The following RALYL variants were observed in gnomAD, a reference collection of about 807,000 sequenced individuals.
RALYL encodes the protein RALY RNA binding protein like.
Under a neutral mutation model 35.1 loss-of-function variants are expected in RALYL, and 29 were observed. The ratio of observed to expected loss-of-function variants is 0.83; its 90% CI spans 0.61 to 1.13. The LOEUF (loss-of-function observed/expected upper bound fraction) is 1.13, where lower values mean the gene tolerates loss of function less well. RALYL is among the 50% of genes most tolerant of loss of function. The pLI is 0.00. For synonymous variants in RALYL, 120 were observed against 127.6 expected (o/e 0.94, Z 0.40); for missense variants, 359 against 360.4 (o/e 1.00, Z 0.03).
chr8:84,672,984 T>A (rs1419196672), intron 2 of RALYL, among the ~76,000 whole-genome samples: 1 of 152,218 alleles, frequency 6.6e-6, no homozygotes. Flanking sequence ...TAATTTACCC[T>A]CTTACCAACA....
intron 2 of RALYL, among the ~76,000 whole-genome samples, chr8:84,557,657 G>T (rs2061220164): frequency 6.6e-6 from 1 of 152,082 alleles, no homozygotes. Flanking sequence ...ATCACACAAA[G>T]TGTGTATTTA....
intron 1 of RALYL, among the ~76,000 whole-genome samples, chr8:84,488,691 G>A (rs1006502611): frequency 6.6e-6 from 1 of 151,954 alleles, no homozygotes; most frequent in South Asian, 2.1e-4. Context: ...GTGATTACTT[G>A]CATACATTTG....
At position 84,604,485 on chromosome 8, in the gene RALYL, A is replaced by G. The variant is rs1816681029; in HGVS notation, c.256+74908A>G. Among the ~76,000 whole-genome samples, 3 of 152,266 alleles carry G rather than the reference A, an allele frequency of 2.0e-5. No individual in the cohort carries two copies. The South Asian group carries it at 6.2e-4, about 32-fold the overall frequency. ...ACTGTCCCTAACCCTGGTGCCAAAA[A>G]CATAGTCCCATCTCGCTGCTGCTGC... On this transcript the variant is annotated intron_variant, in intron 2 of 8. Coordinates refer to ENST00000521268, the MANE Select transcript of RALYL (RefSeq NM_173848.7).
intron 2 of RALYL, among the ~76,000 whole-genome samples, chr8:84,644,230 G>C (rs1826995634): frequency 6.6e-6 from 1 of 151,980 alleles, no homozygotes. Flanking sequence ...AGGGGGAAAA[G>C]TTTTAAAATG....
chr8:84,771,840 C>T (rs1815607406), intron 2 of RALYL, among the ~76,000 whole-genome samples: 1 of 151,924 alleles, frequency 6.6e-6, no homozygotes, highest in South Asian at 2.1e-4. Flanking sequence ...CTTTTTATGA[C>T]CAGAAATTCT....
At chr8:84,602,812 A>G (rs1319611385) in intron 2 of RALYL, among the ~76,000 whole-genome samples, 1 of 152,140 alleles carries the variant, frequency 6.6e-6, no homozygotes, top group Non-Finnish European at 1.5e-5. Context: ...AGAGACAGAT[A>G]ATAAAGTCAG....
At chr8:84,581,245 G>A (rs370684068) in intron 2 of RALYL, among the ~76,000 whole-genome samples, 13 of 152,298 alleles carry the variant, frequency 8.5e-5, no homozygotes, top group African/African-American at 3.1e-4. Context: ...AAAGGAAGGT[G>A]ACATAGATCT....
chr8:84,902,936 T>A (rs993229791), intron 8 of RALYL, among the ~76,000 whole-genome samples: 4 of 152,122 alleles, frequency 2.6e-5, no homozygotes, highest in African/African-American at 9.7e-5. Flanking sequence ...AAGAAAAAAA[T>A]TAAAATGATT....
chr8:84,414,227 A>G (rs1457407392), intron 1 of RALYL, among the ~76,000 whole-genome samples: 1 of 152,144 alleles, frequency 6.6e-6, no homozygotes, highest in Admixed American at 6.5e-5. Flanking sequence ...TTACTCTATC[A>G]ATAATTATTT....
At chr8:84,254,818 C>T (rs947730557) in intron 1 of RALYL, among the ~76,000 whole-genome samples, 12 of 149,546 alleles carry the variant, frequency 8.0e-5, no homozygotes, top group Non-Finnish European at 1.6e-4. Flanking sequence ...AACTTAGAAT[C>T]ATGGCTGAAG....
At chr8:84,805,416 C>T (rs1213520162) in intron 4 of RALYL, among the ~76,000 whole-genome samples, 4 of 152,110 alleles carry the variant, frequency 2.6e-5, no homozygotes, top group East Asian at 1.9e-4. Flanking sequence ...TGGCCAGGCG[C>T]GGTGGTTCAT....
chr8:84,435,156 T>G (rs990548001), intron 1 of RALYL, among the ~76,000 whole-genome samples: 1 of 152,152 alleles, frequency 6.6e-6, no homozygotes, highest in African/African-American at 2.4e-5. Context: ...TTTTATATTC[T>G]TTGATGTGGA....
In RALYL at chr8:84,522,261, T is replaced by C. The variant is rs1004812831; in HGVS notation, c.-23-7038T>C. Among the ~76,000 whole-genome samples the C allele has an allele frequency of 4.0e-5, 6 of 150,514 alleles. 1 individual carries two copies. Among genetic ancestry groups the C allele is most frequent in the African/African-American group, 1.5e-4 (6 of 41,092 alleles). ...TGATAGAAAGGAAATTTTTTTTTTT[T>C]TTTTTTGAGATGGAGTCTCGCTCTG... On this transcript the variant is annotated intron_variant, in intron 1 of 8. Transcript: ENST00000521268.
chr8:84,524,659 A>G (rs1418036649), intron 1 of RALYL, among the ~76,000 whole-genome samples: 1 of 152,170 alleles, frequency 6.6e-6, no homozygotes, highest in Non-Finnish European at 1.5e-5. Flanking sequence ...CCTTTAATTT[A>G]TAATAAATGT....
At chr8:84,730,791 C>G (rs1219789845) in intron 2 of RALYL, among the ~76,000 whole-genome samples, 1 of 151,828 alleles carries the variant, frequency 6.6e-6, no homozygotes, top group Non-Finnish European at 1.5e-5. Context: ...TTGAAAGCCA[C>G]AAGACTAGAA....
In RALYL at chr8:84,862,321, C is replaced by A; in HGVS notation, c.439C>A (p.Pro147Thr). 6.3e-7 allele frequency: 1 copy of A among 1,593,650 alleles called. No individual in the cohort carries two copies. The highest frequency in any genetic ancestry group is 1.1e-5 in the South Asian group (1 of 88,230). The change falls in exon 6 of 9, where the codon CCT (proline) becomes ACT (threonine). Residue 147 changes from proline to threonine, a missense_variant. Coordinates refer to ENST00000521268, the MANE Select transcript of RALYL (RefSeq NM_173848.7). ...GTTATTTGATTACCACGGGCGTGTG[C>A]CTCCACCTCCCCGTGCAGTAATTCC... ...NRLFDYHGRV[P>T]PPPRAVIPLK...
chr8:84,255,816 A>C (rs1203834966), intron 1 of RALYL, among the ~76,000 whole-genome samples: 1 of 152,150 alleles, frequency 6.6e-6, no homozygotes, highest in African/African-American at 2.4e-5. Context: ...TACATTTTTC[A>C]AAACCAATTA....
At chr8:84,418,011 G>A (rs2044932754) in intron 1 of RALYL, among the ~76,000 whole-genome samples, 1 of 152,132 alleles carries the variant, frequency 6.6e-6, no homozygotes, top group Non-Finnish European at 1.5e-5. Flanking sequence ...GAGATGATCA[G>A]TTTAAAGAAA....
intron 1 of RALYL, among the ~76,000 whole-genome samples, chr8:84,468,985 T>G (rs879306071): frequency 2.6e-4 from 39 of 151,420 alleles, no homozygotes; most frequent in Admixed American, 1.9e-3. Context: ...GCCTTGGTTT[T>G]CAGCTCCATC....
Sources: allele counts gnomAD v4.1 joint callset (sites outside exome capture counted in the v4.1 genomes callset), GRCh38; gene constraint gnomAD v4.1.1; transcripts MANE v1.5; gene names NCBI Gene and HGNC (gene_info 2026-07-23, HGNC 2026-07-21).